The following RAB2A variants were observed in gnomAD, a reference collection of about 807,000 sequenced individuals.
RAB2A encodes the protein ras-related protein Rab-2A.
Under a neutral mutation model 32.5 loss-of-function variants are expected in RAB2A, and 7 were observed. The observed-to-expected ratio is 0.22, with a 90% confidence interval of 0.12 to 0.40. The LOEUF (loss-of-function observed/expected upper bound fraction) is 0.40, where lower values mean the gene tolerates loss of function less well. RAB2A is among the 10% of genes least tolerant of loss of function. The probability of loss-of-function intolerance (pLI) is 1.00; values close to 1 mark genes in which losing one functional copy is unlikely to be tolerated. For missense variants in RAB2A, 108 were observed against 260.7 expected, an observed-to-expected ratio of 0.41 and a Z score of 4.03; for synonymous variants, 79 against 85.2, an observed-to-expected ratio of 0.93 and a Z score of 0.40.
At chr8:60,519,211 G>C (rs927718987) in intron 1 of RAB2A, among the ~76,000 whole-genome samples, 1 of 152,184 alleles carries the variant, frequency 6.6e-6, no homozygotes. Flanking sequence ...TTTACTGTCA[G>C]TTTAGTCATC....
chr8:60,573,192 C>T (rs183593564), intron 3 of RAB2A, among the ~76,000 whole-genome samples: 1 of 152,210 alleles, frequency 6.6e-6, no homozygotes, highest in Non-Finnish European at 1.5e-5. Context: ...TAATTCTTCA[C>T]AGAACCCCAG....
chr8:60,547,845 T>C (rs1189599158), intron 1 of RAB2A, among the ~76,000 whole-genome samples: 1 of 89,604 alleles, frequency 1.1e-5, no homozygotes, highest in African/African-American at 5.2e-5. Flanking sequence ...CCCCCCCACC[T>C]CCCTCCTGGA....
intron 3 of RAB2A, among the ~76,000 whole-genome samples, chr8:60,574,681 A>G (rs1004741371): frequency 2.6e-5 from 4 of 152,204 alleles, no homozygotes; most frequent in Admixed American, 1.3e-4. Context: ...TTAACTCGTC[A>G]TACATCATTT....
intron 1 of RAB2A, among the ~76,000 whole-genome samples, chr8:60,528,652 T>A (rs1184984501): frequency 1.4e-4 from 21 of 152,224 alleles, no homozygotes; most frequent in Admixed American, 1.3e-3. Context: ...GCAAGTTTCT[T>A]ATGTTATCAA....
intron 2 of RAB2A, among the ~76,000 whole-genome samples, chr8:60,563,949 T>C (rs1235167173): frequency 6.6e-6 from 1 of 152,182 alleles, no homozygotes; most frequent in Non-Finnish European, 1.5e-5. Flanking sequence ...AGGTTAAATC[T>C]AGCCATCTAT....
intron 1 of RAB2A, among the ~76,000 whole-genome samples, chr8:60,529,335 A>G (rs868405164): frequency 5.9e-5 from 9 of 152,156 alleles, no homozygotes; most frequent in Non-Finnish European, 5.9e-5. Context: ...AGCGTGGATT[A>G]TATCTTCTAT....
chr8:60,618,174 TGCTAATTA>T (rs1804478659), intron 6 of RAB2A, among the ~76,000 whole-genome samples: 1 of 152,268 alleles, frequency 6.6e-6, no homozygotes, highest in African/African-American at 2.4e-5. Context: ...CTGTTTGTAA[TGCTAATTA>T]GCATGTGCGT....
chr8:60,579,110 TC>T (rs1803690969), intron 3 of RAB2A, among the ~76,000 whole-genome samples: 1 of 152,186 alleles, frequency 6.6e-6, no homozygotes, highest in African/African-American at 2.4e-5. Context: ...TGGCGCAATC[TC>T]AGCTCACTGC....
intron 6 of RAB2A, among the ~76,000 whole-genome samples, chr8:60,602,778 G>T (rs1804155713): frequency 6.6e-6 from 1 of 152,222 alleles, no homozygotes; most frequent in African/African-American, 2.4e-5. Context: ...AGCAATTACA[G>T]TAATTATGGG....
chr8:60,599,737 C>T (rs947111971), intron 6 of RAB2A, among the ~76,000 whole-genome samples: 1 of 151,978 alleles, frequency 6.6e-6, no homozygotes, highest in Non-Finnish European at 1.5e-5. Flanking sequence ...AAATGAACTT[C>T]CTCCTAAGTC....
At chr8:60,588,734 C>T (rs192675138) in intron 5 of RAB2A, among the ~76,000 whole-genome samples, 1 of 152,260 alleles carries the variant, frequency 6.6e-6, no homozygotes, top group East Asian at 1.9e-4. Flanking sequence ...GATGGCTTCA[C>T]GGGCTTACAT....
In RAB2A at chr8:60,536,031, G is replaced by A. The variant is rs562311699; in HGVS notation, c.46+18778G>A. ...GAATATCGTTATAGATAATATTGCTGTTAGCCTTCTTGTGCGTTTGTGCAA... is the reference window on the plus strand; with the variant it reads ...GAATATCGTTATAGATAATATTGCTATTAGCCTTCTTGTGCGTTTGTGCAA... On this transcript the variant is annotated intron_variant, in intron 1 of 7. Coordinates refer to ENST00000262646, the MANE Select transcript of RAB2A (RefSeq NM_002865.3). Among the ~76,000 whole-genome samples the A allele has an allele frequency of 5.9e-5, 9 of 152,306 alleles. No homozygotes were observed. The East Asian group carries it at 1.5e-3, about 26-fold the overall frequency.
chr8:60,558,407 A>G, intron 1 of RAB2A: 1 of 505,502 alleles, frequency 2.0e-6, no homozygotes, highest in South Asian at 1.5e-5. Context: ...CAGAGCAAGG[A>G]GCTTTTCCCA....
At chr8:60,613,027 T>G (rs532744973) in intron 6 of RAB2A, among the ~76,000 whole-genome samples, 2 of 152,338 alleles carry the variant, frequency 1.3e-5, no homozygotes, top group Admixed American at 6.5e-5. Context: ...CTCCCTAATA[T>G]GAAATTCTAG....
intron 1 of RAB2A, among the ~76,000 whole-genome samples, chr8:60,548,751 G>A (rs1415283628): frequency 4.2e-5 from 6 of 141,980 alleles, no homozygotes; most frequent in South Asian, 2.3e-4. Context: ...CGGATGGGGC[G>A]GCTGGCCGGG....
At chr8:60,524,560 T>C (rs1807349736) in intron 1 of RAB2A, among the ~76,000 whole-genome samples, 1 of 152,238 alleles carries the variant, frequency 6.6e-6, no homozygotes, top group African/African-American at 2.4e-5. Context: ...TAGCTGTTAC[T>C]TTTCACTTGT....
intron 6 of RAB2A, among the ~76,000 whole-genome samples, chr8:60,617,737 C>A (rs956267964): frequency 6.6e-6 from 1 of 151,984 alleles, no homozygotes; most frequent in African/African-American, 2.4e-5. Flanking sequence ...AGGGTGAGCC[C>A]CTGTCTCAAA....
chr8:60,568,994 A>G (rs748726582), intron 2 of RAB2A, among the ~76,000 whole-genome samples: 2 of 152,222 alleles, frequency 1.3e-5, no homozygotes, highest in South Asian at 2.1e-4. Context: ...TTTGGTTTCT[A>G]TATTTGTTTC....
chr8:60,535,961 C>T (rs1461228118), intron 1 of RAB2A, among the ~76,000 whole-genome samples: 2 of 152,172 alleles, frequency 1.3e-5, no homozygotes, highest in South Asian at 4.1e-4. Context: ...TGCTCTGATG[C>T]TAGGTAGCCA....
Sources: allele counts gnomAD v4.1 joint callset (sites outside exome capture counted in the v4.1 genomes callset), GRCh38; gene constraint gnomAD v4.1.1; transcripts MANE v1.5; gene names NCBI Gene and HGNC (gene_info 2026-07-23, HGNC 2026-07-21).